The following SMAP2 variants were observed in gnomAD, a reference collection of about 807,000 sequenced individuals.
SMAP2 encodes the protein small ArfGAP2.
Under a neutral mutation model 56.4 loss-of-function variants are expected in SMAP2, and 25 were observed. The observed-to-expected ratio is 0.44, with a 90% CI of 0.32 to 0.62. The LOEUF (loss-of-function observed/expected upper bound fraction) is 0.62, where lower values mean the gene tolerates loss of function less well. Among genes scored for constraint, SMAP2 ranks in the 20% least tolerant of loss-of-function variants. SMAP2 has a pLI of 0.04. For missense variants in SMAP2, 388 were observed against 545.6 expected, an observed-to-expected ratio of 0.71 and a Z score of 2.88; for synonymous variants, 157 against 181.7, an observed-to-expected ratio of 0.86 and a Z score of 1.09.
intron 9 of SMAP2, among the ~76,000 whole-genome samples, chr1:40,418,199 G>A (rs1365003048): frequency 6.6e-6 from 1 of 152,110 alleles, no homozygotes; most frequent in African/African-American, 2.4e-5. Context: ...GCTGTGAAAT[G>A]AAAGTTTACT....
chr1:40,377,019 C>A (rs766449188), intron 1 of SMAP2, among the ~76,000 whole-genome samples: 3 of 152,090 alleles, frequency 2.0e-5, no homozygotes, highest in Non-Finnish European at 2.9e-5. Context: ...GGTGTGGTGG[C>A]TCAAACCTGT....
chr1:40,388,049 G>A (rs1444146322), intron 1 of SMAP2, among the ~76,000 whole-genome samples: 3 of 152,190 alleles, frequency 2.0e-5, no homozygotes, highest in East Asian at 1.9e-4. Flanking sequence ...GCCCACCGGC[G>A]CTGCGCTGGA....
chr1:40,419,548 G>C (rs1216689785), intron 9 of SMAP2, among the ~76,000 whole-genome samples: 1 of 152,116 alleles, frequency 6.6e-6, no homozygotes, highest in Admixed American at 6.5e-5. Context: ...GCCTCCCAAA[G>C]TGCTGGGATT....
At chr1:40,362,600 C>G (rs1245059478) in intron 2 of SMAP2, among the ~76,000 whole-genome samples, 1 of 152,096 alleles carries the variant, frequency 6.6e-6, no homozygotes. Flanking sequence ...ATTCTCATTC[C>G]TGATTCTTTT....
At chr1:40,356,418 T>G (rs1160012228) in intron 1 of SMAP2, among the ~76,000 whole-genome samples, 16 of 150,870 alleles carry the variant, frequency 1.1e-4, no homozygotes, top group Middle Eastern at 3.4e-3. Flanking sequence ...TTTTTTTGTT[T>G]TTTTTTTTTT....
chr1:40,422,272 C>A lies in SMAP2; in HGVS notation c.*171C>A. On this transcript the variant is annotated 3_prime_UTR_variant, in exon 10 of 10. Transcript: ENST00000372718. ...CCCAGCCACTTCCCAAACATGAAGA[C>A]CTCTCTGTTGCTTTATGTTGTACAT... is the stretch of plus-strand genomic sequence containing the variant. 1 of 835,732 alleles carries A rather than the reference C, an allele frequency of 1.2e-6. No individual in the cohort carries two copies. The highest frequency in any genetic ancestry group is 1.8e-6 in the Non-Finnish European group (1 of 544,814). 51.8% of individuals were successfully genotyped at this position (835,732 alleles called of 1,614,324 possible).
chr1:40,399,310 AT>A (rs747127620), intron 1 of SMAP2, among the ~76,000 whole-genome samples: 16 of 91,952 alleles, frequency 1.7e-4, no homozygotes, highest in South Asian at 1.7e-3. Flanking sequence ...ACGTGTGGCT[AT>A]TTTTTTTTTT....
chr1:40,354,635 C>A (rs1644425470), intron 1 of SMAP2, among the ~76,000 whole-genome samples: 1 of 151,922 alleles, frequency 6.6e-6, no homozygotes, highest in African/African-American at 2.4e-5. Context: ...CCGTGCCCAG[C>A]CAAGTTTTTT....
chr1:40,399,139 ATTTATTTTTATT>A (rs1433483374), intron 1 of SMAP2, among the ~76,000 whole-genome samples: 1 of 151,372 alleles, frequency 6.6e-6, no homozygotes, highest in Non-Finnish European at 1.5e-5. Context: ...TATTTCATTG[ATTTATTTTTATT>A]TTTATTTTTT....
chr1:40,344,876 A>T (rs1644379027), exon 1 of SMAP2: 1 of 152,150 alleles, frequency 6.6e-6, no homozygotes, highest in African/African-American at 2.4e-5. Flanking sequence ...TAGCTCAGAA[A>T]GCAACGTTTT....
At chr1:40,391,379 C>T (rs1419282504) in intron 1 of SMAP2, among the ~76,000 whole-genome samples, 1 of 152,036 alleles carries the variant, frequency 6.6e-6, no homozygotes, top group Non-Finnish European at 1.5e-5. Flanking sequence ...ATGTTGAGTC[C>T]ACCTGGCCAA....
chr1:40,414,304 G>A, intron 6 of SMAP2, 64 bp downstream of exon 6: 2 of 1,478,640 alleles, frequency 1.4e-6, no homozygotes, highest in Non-Finnish European at 9.4e-7. Flanking sequence ...AGTGACCCTG[G>A]AAGATAGGTA....
intron 1 of SMAP2, among the ~76,000 whole-genome samples, chr1:40,393,089 G>A (rs573128707): frequency 2.0e-4 from 23 of 115,998 alleles, no homozygotes; most frequent in Admixed American, 1.8e-3. Flanking sequence ...GTGACAGAGC[G>A]TGAATCCATC....
intron 7 of SMAP2, among the ~76,000 whole-genome samples, chr1:40,415,716 C>T (rs183090267): frequency 1.1e-3 from 167 of 152,282 alleles, no homozygotes; most frequent in African/African-American, 3.8e-3. Flanking sequence ...GGCTACCATT[C>T]GTGAAACGCC....
chr1:40,374,712 G>A lies in SMAP2; in HGVS notation c.103+489G>A. On this transcript the variant is annotated intron_variant, in intron 1 of 9. Transcript: ENST00000372718. This position sits in a 1 kb window ranked among gnomAD's most constrained non-coding sequence, Gnocchi z 5.9. ...ACTGCTTAAATGATTTTTAAAGGTGGTGATTTTTGCTTCCTGCTATTTGGT... is the reference window on the plus strand; with the variant it reads ...ACTGCTTAAATGATTTTTAAAGGTGATGATTTTTGCTTCCTGCTATTTGGT... 6.4e-7 allele frequency: 1 copy of A among 1,550,446 alleles called. No individual in the cohort carries two copies. The highest frequency in any genetic ancestry group is 2.0e-5 in the Admixed American group (1 of 50,982).
At chr1:40,393,367 A>G in intron 1 of SMAP2, 1 of 1,535,276 alleles carries the variant, frequency 6.5e-7, no homozygotes, top group Non-Finnish European at 8.7e-7. Flanking sequence ...GTGCAGCAGG[A>G]GAGGCAGCAG....
intron 1 of SMAP2, among the ~76,000 whole-genome samples, chr1:40,349,304 C>T (rs571796255): frequency 3.9e-5 from 6 of 152,224 alleles, no homozygotes; most frequent in East Asian, 1.9e-4. Context: ...CTGTTGAGCA[C>T]GTACAGTATC....
chr1:40,389,343 A>T (rs1053843772), intron 1 of SMAP2, among the ~76,000 whole-genome samples: 2 of 152,050 alleles, frequency 1.3e-5, no homozygotes, highest in African/African-American at 4.8e-5. Context: ...CAGACTGGAG[A>T]TGAGGACAGG....
In SMAP2 at chr1:40,393,531, GTTC is replaced by G. The variant is rs747869331; in HGVS notation, c.104-13200_104-13198del. The G allele has an allele frequency of 3.4e-4, 330 of 962,756 alleles. 1 individual carries two copies. In the African/African-American group the frequency reaches 5.0e-3, roughly 14 times the overall value. The allele number at this position is 962,756 out of a possible 1,614,324, so 59.6% of individuals were successfully genotyped here. ...TAAGTTGATCAACAAAGTGTAAGTAGTTCTTCTAACTTTTTTTTTTTTTTTTTT... is the reference window on the plus strand; with the variant it reads ...TAAGTTGATCAACAAAGTGTAAGTAGTTCTAACTTTTTTTTTTTTTTTTTT... On this transcript the variant is annotated intron_variant, in intron 1 of 9. Coordinates refer to ENST00000372718, the MANE Select transcript of SMAP2 (RefSeq NM_022733.3).
Sources: allele counts gnomAD v4.1 joint callset (sites outside exome capture counted in the v4.1 genomes callset), GRCh38; gene constraint gnomAD v4.1.1; non-coding constraint Gnocchi (gnomAD v3.1); transcripts MANE v1.5; gene names NCBI Gene and HGNC (gene_info 2026-07-23, HGNC 2026-07-21).